ANK3: variants seen among roughly 807,000 people sequenced by gnomAD.
ANK3 encodes the protein ankyrin 3.
A neutral mutation model predicts 370.9 loss-of-function variants in ANK3; 57 were observed. That is an observed-to-expected ratio of 0.15 (90% CI 0.12 to 0.19). ANK3 has a LOEUF of 0.19. ANK3 is among the 10% of genes least tolerant of loss of function. The pLI, the probability that ANK3 is intolerant of heterozygous loss-of-function variation, is 1.00. For missense variants in ANK3, 4,439 were observed against 5,302.1 expected (o/e 0.84, Z 5.06); for synonymous variants, 1,929 against 1,946.3 (o/e 0.99, Z 0.23).
At chr10:60,433,252 G>A (rs2064075954) in intron 2 of ANK3, among the ~76,000 whole-genome samples, 1 of 152,086 alleles carries the variant, frequency 6.6e-6, no homozygotes, top group Non-Finnish European at 1.5e-5. Flanking sequence ...GAGGTCAGCT[G>A]TTCTGACTTT....
intron 2 of ANK3, among the ~76,000 whole-genome samples, chr10:60,611,292 T>C (rs1567178699): frequency 1.3e-5 from 2 of 152,082 alleles, no homozygotes; most frequent in Admixed American, 6.5e-5. Context: ...CTCACTTGAA[T>C]CAGCAGAGGA....
intron 8 of ANK3, among the ~76,000 whole-genome samples, chr10:60,227,311 A>G (rs1393324059): frequency 6.6e-6 from 1 of 151,818 alleles, no homozygotes; most frequent in East Asian, 1.9e-4. Context: ...CATTCTTATA[A>G]TTGTCTTTCC....
intron 2 of ANK3, among the ~76,000 whole-genome samples, chr10:60,551,928 G>A (rs2077096929): frequency 6.6e-6 from 1 of 152,172 alleles, no homozygotes; most frequent in African/African-American, 2.4e-5. Flanking sequence ...TATGGGAGAT[G>A]ATGCAGCATT....
At chr10:60,500,882 C>T (rs2075778724) in intron 2 of ANK3, among the ~76,000 whole-genome samples, 1 of 152,102 alleles carries the variant, frequency 6.6e-6, no homozygotes, top group Non-Finnish European at 1.5e-5. Context: ...TCATATTTCT[C>T]AATTAAATAT....
intron 1 of ANK3, among the ~76,000 whole-genome samples, chr10:60,374,339 A>G (rs2060492201): frequency 6.6e-6 from 1 of 152,196 alleles, no homozygotes; most frequent in Non-Finnish European, 1.5e-5. Flanking sequence ...GAGAGATACA[A>G]ACAGTTGTAA....
intron 4 of ANK3, among the ~76,000 whole-genome samples, chr10:60,274,635 A>C (rs139320002): frequency 2.9e-4 from 44 of 152,248 alleles, no homozygotes; most frequent in African/African-American, 9.9e-4. Context: ...GAACCAGGTC[A>C]AAGGGTAATC....
intron 1 of ANK3, among the ~76,000 whole-genome samples, chr10:60,634,437 C>A (rs2078524615): frequency 6.6e-6 from 1 of 152,124 alleles, no homozygotes; most frequent in Admixed American, 6.5e-5. Context: ...GAGAGCTTTT[C>A]TGTCTAGCTA....
At chr10:60,427,299 TAAAG>T (rs765447344) in intron 2 of ANK3, among the ~76,000 whole-genome samples, 1 of 151,934 alleles carries the variant, frequency 6.6e-6, no homozygotes, top group Non-Finnish European at 1.5e-5. Flanking sequence ...AAGGGAGAGA[TAAAG>T]AGAGATAGAC....
At chr10:60,336,938 G>A (rs2053109377) in intron 1 of ANK3, among the ~76,000 whole-genome samples, 1 of 151,998 alleles carries the variant, frequency 6.6e-6, no homozygotes, top group African/African-American at 2.4e-5. Flanking sequence ...ATGATGAACT[G>A]ACCCCTGAAC....
At chr10:60,558,557 C>T (rs2077262188) in intron 2 of ANK3, among the ~76,000 whole-genome samples, 1 of 152,154 alleles carries the variant, frequency 6.6e-6, no homozygotes, top group African/African-American at 2.4e-5. Context: ...CCACCCTATT[C>T]CCTCCTCCTA....
intron 2 of ANK3, among the ~76,000 whole-genome samples, chr10:60,531,750 T>C (rs2133201331): frequency 6.6e-6 from 1 of 152,196 alleles, no homozygotes; most frequent in Non-Finnish European, 1.5e-5. Flanking sequence ...ATTTGGGAGC[T>C]CAGAAGTTCG....
intron 1 of ANK3, among the ~76,000 whole-genome samples, chr10:60,686,048 G>A (rs1589025525): frequency 2.6e-5 from 4 of 151,892 alleles, no homozygotes; most frequent in Admixed American, 2.6e-4. Context: ...AATAAAAATC[G>A]AATTTTTATG....
intron 23 of ANK3, among the ~76,000 whole-genome samples, chr10:60,162,997 C>G (rs943467788): frequency 1.3e-5 from 2 of 152,158 alleles, no homozygotes; most frequent in Non-Finnish European, 2.9e-5. Context: ...AATTTAAGAT[C>G]AGAGTTGAAC....
At chr10:60,596,232 T>C (rs1458768559) in intron 2 of ANK3, among the ~76,000 whole-genome samples, 1 of 152,114 alleles carries the variant, frequency 6.6e-6, no homozygotes, top group Admixed American at 6.6e-5. Context: ...TCTTTAATAA[T>C]TAGATACTGG....
rs565613099 is a variant in ANK3 at position 60,557,221 on chromosome 10, A to G, written c.96+57965T>C. On this transcript the variant is annotated intron_variant, in intron 2 of 43. Transcript: ENST00000373827. ...TGTTTGTTGAAACTTTATTGACAAT[A>G]GGCAAAAAATAGAAACAACCCAAAT... Among the ~76,000 whole-genome samples, 10 of 152,332 alleles carry G rather than the reference A, an allele frequency of 6.6e-5. No homozygotes were observed. In the East Asian group the frequency reaches 1.7e-3, roughly 26 times the overall value.
intron 2 of ANK3, among the ~76,000 whole-genome samples, chr10:60,490,295 T>C (rs2075460279): frequency 6.6e-6 from 1 of 152,202 alleles, no homozygotes; most frequent in Non-Finnish European, 1.5e-5. Context: ...TCTTTCCCAG[T>C]CCTACTGAAC....
chr10:60,449,208 C>T (rs1433476471), intron 2 of ANK3, among the ~76,000 whole-genome samples: 1 of 152,074 alleles, frequency 6.6e-6, no homozygotes, highest in Non-Finnish European at 1.5e-5. Flanking sequence ...ATGCCAGCCA[C>T]ATATGTAACC....
chr10:60,047,276 G>A (rs963054668), intron 42 of ANK3, among the ~76,000 whole-genome samples: 14 of 152,090 alleles, frequency 9.2e-5, no homozygotes, highest in African/African-American at 3.1e-4. Flanking sequence ...CTCTGGTGAC[G>A]GTATTAATGA....
intron 1 of ANK3, among the ~76,000 whole-genome samples, chr10:60,374,864 T>C (rs1227896054): frequency 6.6e-6 from 1 of 152,124 alleles, no homozygotes. Flanking sequence ...TTTAAAGAAA[T>C]ATATTTATTG....
Sources: allele counts gnomAD v4.1 joint callset (sites outside exome capture counted in the v4.1 genomes callset), GRCh38; gene constraint gnomAD v4.1.1; transcripts MANE v1.5; gene names NCBI Gene and HGNC (gene_info 2026-07-23, HGNC 2026-07-21).